FMNL1: variants seen among roughly 807,000 people sequenced by gnomAD.
The protein encoded by FMNL1 is formin like 1.
In FMNL1, 43 loss-of-function variants were observed where a neutral mutation model predicts 121.3. That is an observed-to-expected ratio of 0.35 (90% CI 0.28 to 0.46). The LOEUF is 0.46. FMNL1 is among the 20% of genes least tolerant of loss of function. The pLI, the probability that FMNL1 is intolerant of heterozygous loss-of-function variation, is 1.00. For missense variants in FMNL1, 1,191 were observed against 1,482.4 expected (o/e 0.80, Z 3.23); for synonymous variants, 613 against 613.5 (o/e 1.00, Z 0.01).
chr17:45,222,208 G>T lies in FMNL1; in HGVS notation c.84G>T (p.Pro28=). 2 of 1,244,538 alleles carry T rather than the reference G, an allele frequency of 1.6e-6. No individual in the cohort carries two copies. 77.1% of individuals were successfully genotyped at this position (1,244,538 alleles called of 1,614,324 possible). ...PPKQPAPPKQ[P]MPAAGELEER... is the part of the protein sequence containing the mutation. Reference sequence around the variant, plus strand: ...AGCAGCCCGCGCCTCCCAAGCAGCCGATGCCCGCGGCCGGAGAGCTGGAGG... The same window carrying T: ...AGCAGCCCGCGCCTCCCAAGCAGCCTATGCCCGCGGCCGGAGAGCTGGAGG... Residue 28 remains proline (P), a synonymous_variant, in exon 1 of 27, where the codon CCG becomes CCT. Transcript: ENST00000331495.
In FMNL1 at chr17:45,244,805, C is replaced by G; in HGVS notation, c.2518-14C>G. 6.2e-7 allele frequency: 1 copy of G among 1,606,148 alleles called. No homozygotes were observed. Among genetic ancestry groups the G allele is most frequent in the Non-Finnish European group, 8.5e-7 (1 of 1,176,004 alleles). The stretch of plus-strand genomic sequence containing the variant: ...CTCTGGCATTCTGCTGAGCCTTTCT[C>G]CTGCCTCTCCCAGATTGTCCTGGCC... On this transcript the variant is annotated splice_polypyrimidine_tract_variant and intron_variant, in intron 19 of 26. Coordinates refer to ENST00000331495, the MANE Select transcript of FMNL1 (RefSeq NM_005892.4).
At chr17:45,239,844 AG>A (rs2043643475) in intron 11 of FMNL1, among the ~76,000 whole-genome samples, 1 of 145,478 alleles carries the variant, frequency 6.9e-6, no homozygotes, top group South Asian at 2.1e-4. Flanking sequence ...TGCCCAGGCT[AG>A]AGTGCAGTGA....
At chr17:45,240,667 C>G in intron 12 of FMNL1, 42 bp downstream of exon 12, 1 of 1,591,952 alleles carries the variant, frequency 6.3e-7, no homozygotes, top group East Asian at 2.3e-5. Flanking sequence ...ATCATAGGCC[C>G]ACAGGGCACA....
intron 1 of FMNL1, among the ~76,000 whole-genome samples, chr17:45,228,612 C>T (rs559519197): frequency 2.6e-5 from 4 of 152,198 alleles, no homozygotes; most frequent in African/African-American, 9.7e-5. Context: ...GCGCAGGGCT[C>T]GGAGCAGTGC....
At chr17:45,230,569 C>T in intron 1 of FMNL1, 35 bp from the exon 2 acceptor site, 1 of 1,611,202 alleles carries the variant, frequency 6.2e-7, no homozygotes, top group Middle Eastern at 1.7e-4. Context: ...TGTTGGGGCC[C>T]CAGGCTCAGG....
At position 45,233,439 on chromosome 17, in the gene FMNL1, C is replaced by A; in HGVS notation, c.401+142C>A. 9.8e-7 allele frequency: 1 copy of A among 1,019,358 alleles called. No individual in the cohort carries two copies. The highest frequency in any genetic ancestry group is 1.4e-6 in the Non-Finnish European group (1 of 705,590). 63.1% of individuals were successfully genotyped at this position (1,019,358 alleles called of 1,614,324 possible). On this transcript the variant is annotated intron_variant, in intron 4 of 26. Coordinates refer to ENST00000331495, the MANE Select transcript of FMNL1 (RefSeq NM_005892.4). This position sits in a 1 kb window ranked among gnomAD's most constrained non-coding sequence, Gnocchi z 4.1. ...CACCTCCTGGAGGTGTCCAGGACAG[C>A]TTCCCCTCCCCTTCCTGCCCATGCT... is the stretch of plus-strand genomic sequence containing the variant.
chr17:45,241,577 A>G lies in FMNL1; in HGVS notation c.1528A>G (p.Thr510Ala). ...SIEILPVAVATPSGGDAPTPG... is the reference protein window; with the variant it reads ...SIEILPVAVAAPSGGDAPTPG... ...CGAGATCCTCCCCGTCGCTGTGGCA[A>G]CTCCGAGCGGCGGTGATGCTCCGAC... is the stretch of plus-strand genomic sequence containing the variant. The change falls in exon 14 of 27, where the codon ACT becomes GCT. Residue 510 changes from threonine (T) to alanine (A), a missense_variant. Transcript: ENST00000331495. The surrounding 1 kb of genome is among the most constrained non-coding windows in gnomAD (Gnocchi z 7.0). 6.4e-7 allele frequency: 1 copy of G among 1,562,538 alleles called. No homozygotes were observed. The highest frequency in any genetic ancestry group is 2.3e-5 in the East Asian group (1 of 42,844).
chr17:45,246,824 G>T (rs1483590189), intron 26 of FMNL1, 43 bp from the exon 27 acceptor site: 1 of 701,218 alleles, frequency 1.4e-6, no homozygotes, highest in South Asian at 1.5e-5. Context: ...TCCCAGCTCT[G>T]GGCGGACTCC....
chr17:45,242,150 A>AG lies in FMNL1; in HGVS notation c.1885+5dup, dbSNP rs1567970098. On this transcript the variant is annotated splice_donor_region_variant and intron_variant, in intron 15 of 26. Coordinates refer to ENST00000331495, the MANE Select transcript of FMNL1 (RefSeq NM_005892.4). ...CGCGACTCAGAATTGGGCCCAGGTG[A>AG]GTGGAGTGGACCACCTTGGGCCCGG... 1 of 1,532,770 alleles carries AG rather than the reference A, an allele frequency of 6.5e-7. No homozygotes were observed. Among genetic ancestry groups the AG allele is most frequent in the Admixed American group, 2.1e-5 (1 of 48,056 alleles). The allele number at this position is 1,532,770 out of a possible 1,614,324, so 94.9% of individuals were successfully genotyped here.
chr17:45,237,248 TC>T lies in FMNL1; in HGVS notation c.724-31del. 2 of 1,611,040 alleles carry T rather than the reference TC, an allele frequency of 1.2e-6. No individual in the cohort carries two copies. Among genetic ancestry groups the T allele is most frequent in the Non-Finnish European group, 1.7e-6 (2 of 1,177,218 alleles). On this transcript the variant is annotated intron_variant, in intron 7 of 26. Coordinates refer to ENST00000331495, the MANE Select transcript of FMNL1 (RefSeq NM_005892.4). This position sits in a 1 kb window ranked among gnomAD's most constrained non-coding sequence, Gnocchi z 4.4. ...GGTGCCTGAAGTCCTGGGGGGCCCT[TC>T]CTGGAGACACTGACCTCTCCTCTCT...
Position 45,245,045 on chromosome 17 carries a change from G to A in FMNL1, c.2665G>A (p.Glu889Lys), listed in dbSNP as rs1598212936. 1.9e-6 allele frequency: 3 copies of A among 1,614,196 alleles called. No homozygotes were observed. Among genetic ancestry groups the A allele is most frequent in the Non-Finnish European group, 1.7e-6 (2 of 1,180,024 alleles). The change falls in exon 21 of 27, where the codon GAG (glutamate) becomes AAG (lysine). Residue 889 changes from glutamate to lysine, a missense_variant. Physicochemically the swap from Glu to Lys is moderately conservative, Grantham distance 56. Coordinates refer to ENST00000331495, the MANE Select transcript of FMNL1 (RefSeq NM_005892.4). ...GCACTACCTGGTGAAGGTCATTGCT[G>A]AGAAGTACCCGCAACTCACAGGCTT... Reference protein sequence around the residue: ...LLHYLVKVIAEKYPQLTGFHS... With the variant: ...LLHYLVKVIAKKYPQLTGFHS...
At chr17:45,238,305 G>A (rs1319538460) in intron 9 of FMNL1, 9 of 424,852 alleles carry the variant, frequency 2.1e-5, no homozygotes, top group South Asian at 9.0e-5. Context: ...TGGTGTGGGA[G>A]TGAGGGCACT....
chr17:45,234,912 T>G (rs2043520386), intron 6 of FMNL1: 1 of 153,002 alleles, frequency 6.5e-6, no homozygotes, highest in Non-Finnish European at 1.5e-5. Flanking sequence ...GGTGGTGGGT[T>G]AGGATGAGGT....
Position 45,244,037 on chromosome 17 carries a change from G to A in FMNL1, c.2448+12G>A, listed in dbSNP as rs1434990888. The A allele has an allele frequency of 6.2e-7, 1 of 1,601,014 alleles. No individual in the cohort carries two copies. The highest frequency in any genetic ancestry group is 8.5e-7 in the Non-Finnish European group (1 of 1,173,682). On this transcript the variant is annotated intron_variant, in intron 18 of 26. Transcript: ENST00000331495. ...AGCTGCTCATGCCGGTGTGGGCGGA[G>A]CGGGCAGGGCGGTGTGACTTGGGAG... is the stretch of plus-strand genomic sequence containing the variant.
intron 10 of FMNL1, 135 bp from the exon 11 acceptor site, chr17:45,238,820 T>G (rs2043614225): frequency 9.3e-7 from 1 of 1,070,212 alleles, no homozygotes; most frequent in Admixed American, 2.0e-5. Context: ...AGGTGAAATG[T>G]TGGGCAGGCC....
Position 45,241,081 on chromosome 17 carries a change from G to T in FMNL1, c.1231-48G>T. The T allele has an allele frequency of 2.5e-6, 4 of 1,607,502 alleles. No homozygotes were observed. Among genetic ancestry groups the T allele is most frequent in the Non-Finnish European group, 2.6e-6 (3 of 1,176,134 alleles). ...CTGATGCCGCCCCCTCACCGGCGGT[G>T]CCAGTGCCGGGCTGCGGGTCGGGGC... On this transcript the variant is annotated intron_variant, in intron 12 of 26. Transcript: ENST00000331495. This position sits in a 1 kb window ranked among gnomAD's most constrained non-coding sequence, Gnocchi z 7.0.
At chr17:45,246,372 C>T (rs1464416347) in intron 25 of FMNL1, 42 bp downstream of exon 25, 2 of 1,613,950 alleles carry the variant, frequency 1.2e-6, no homozygotes, top group East Asian at 2.2e-5. Flanking sequence ...TCAGTCTGTC[C>T]TTCTATGCTT....
rs1262360220 is a variant in FMNL1, at chr17:45,243,104, C to T, written c.2011-14C>T. 6.2e-7 allele frequency: 1 copy of T among 1,613,994 alleles called. No homozygotes were observed. The highest frequency in any genetic ancestry group is 8.5e-7 in the Non-Finnish European group (1 of 1,179,972). On this transcript the variant is annotated splice_polypyrimidine_tract_variant and intron_variant, in intron 16 of 26. Transcript: ENST00000331495. ...AGCCCCACCCAGCTCCGCCTCCTCA[C>T]CCTGTACCTTCAGGAGCTAGACATG... is the stretch of plus-strand genomic sequence containing the variant.
intron 7 of FMNL1, 99 bp downstream of exon 7, chr17:45,236,343 C>A: frequency 2.0e-6 from 2 of 996,492 alleles, no homozygotes; most frequent in Non-Finnish European, 1.5e-6. Flanking sequence ...TGTCCCTTTA[C>A]CCTGTGCTGT....
Sources: gnomAD v4.1 joint callset for allele counts (sites outside exome capture counted in the v4.1 genomes callset) on GRCh38, gnomAD v4.1.1 for gene constraint, Gnocchi (gnomAD v3.1) non-coding constraint, MANE v1.5 for transcripts, NCBI Gene and HGNC (gene_info 2026-07-23, HGNC 2026-07-21) for gene names.